NFIX: variants seen among roughly 807,000 people sequenced by gnomAD.
The protein encoded by NFIX is nuclear factor 1 X-type.
Under a neutral mutation model 53.3 loss-of-function variants are expected in NFIX, and 2 were observed. The ratio of observed to expected loss-of-function variants is 0.04; its 90% CI spans 0.02 to 0.12. The LOEUF (loss-of-function observed/expected upper bound fraction) is 0.12. Among genes scored for constraint, NFIX ranks in the 10% least tolerant of loss-of-function variants. The pLI, the probability that NFIX is intolerant of heterozygous loss-of-function variation, is 1.00. For missense variants in NFIX, 310 were observed against 674.5 expected, an observed-to-expected ratio of 0.46 and a Z score of 5.99; for synonymous variants, 244 against 289.0, an observed-to-expected ratio of 0.84 and a Z score of 1.58.
Position 12,998,089 on chromosome 19 carries a change from G to A in NFIX, c.27+2225G>A, listed in dbSNP as rs535985203. On this transcript the variant is annotated intron_variant, in intron 1 of 10. Coordinates refer to ENST00000592199, the MANE Select transcript of NFIX (RefSeq NM_001365902.3). This position sits in a 1 kb window ranked among gnomAD's most constrained non-coding sequence, Gnocchi z 4.4. The stretch of plus-strand genomic sequence containing the variant: ...TCTTTCTGCTTCCATGGTTTGCCCC[G>A]CTGGTCTCTGTTTTTATGACAACCT... Among the ~76,000 whole-genome samples, 3 of 152,104 alleles carry A rather than the reference G, an allele frequency of 2.0e-5. No individual in the cohort carries two copies. The highest frequency in any genetic ancestry group is 1.9e-4 in the East Asian group (1 of 5,186).
rs1599773552 is a variant in NFIX, at chr19:13,043,246, G to A, written c.559+17694G>A. 6.6e-6 allele frequency among the ~76,000 whole-genome samples: 1 copy of A among 152,174 alleles called. No individual in the cohort carries two copies. Among genetic ancestry groups the A allele is most frequent in the African/African-American group, 2.4e-5 (1 of 41,436 alleles). ...ATCCATGTTTTTATGAATCTGAGGT[G>A]CCCCCTTCCAGGCCTCTGCAGCCAC... On this transcript the variant is annotated intron_variant, in intron 2 of 10. Coordinates refer to ENST00000592199, the MANE Select transcript of NFIX (RefSeq NM_001365902.3). The surrounding 1 kb of genome is among the most constrained non-coding windows in gnomAD (Gnocchi z 4.0).
rs186336806 is a variant in NFIX, at chr19:13,043,826, C to T, written c.559+18274C>T. Among the ~76,000 whole-genome samples the T allele has an allele frequency of 4.6e-5, 7 of 152,218 alleles. No individual in the cohort carries two copies. The South Asian group carries it at 6.2e-4, about 14-fold the overall frequency. Reference sequence around the variant, plus strand: ...CCTGAATATGCATGCTTATTCATCTCGAAAACTGGGCCGTAGGGCCAGGTG... The same window carrying T: ...CCTGAATATGCATGCTTATTCATCTTGAAAACTGGGCCGTAGGGCCAGGTG... On this transcript the variant is annotated intron_variant, in intron 2 of 10. Coordinates refer to ENST00000592199, the MANE Select transcript of NFIX (RefSeq NM_001365902.3). This position sits in a 1 kb window ranked among gnomAD's most constrained non-coding sequence, Gnocchi z 4.0.
In NFIX at chr19:13,078,733, C is replaced by T; in HGVS notation, c.1076C>T (p.Pro359Leu). ...CTGCCTGTGCTTGCTGGAGTCAGACCAGGTGAGAAATGGGGGGCCCCGGAG... is the reference window on the plus strand; with the variant it reads ...CTGCCTGTGCTTGCTGGAGTCAGACTAGGTGAGAAATGGGGGGCCCCGGAG... ...HPLPVLAGVR[P>L]GSPRATASAL... is the part of the protein sequence containing the mutation. Residue 359 changes from proline to leucine, a missense_variant and splice_region_variant, in exon 7 of 11, where the codon CCA becomes CTA. Pro to Leu is a moderately conservative substitution (Grantham distance 98, BLOSUM62 -3). Coordinates refer to ENST00000592199, the MANE Select transcript of NFIX (RefSeq NM_001365902.3). This position sits in a 1 kb window ranked among gnomAD's most constrained non-coding sequence, Gnocchi z 4.7. The T allele has an allele frequency of 6.2e-7, 1 of 1,600,348 alleles. No homozygotes were observed.
rs2012385796 is a variant in NFIX, at chr19:13,012,133, C to CGAAAAGGCGG, written c.28-12884_28-12875dup. 1.3e-5 allele frequency: 2 copies of CGAAAAGGCGG among 152,220 alleles called. No individual in the cohort carries two copies. Among genetic ancestry groups the CGAAAAGGCGG allele is most frequent in the Admixed American group, 1.3e-4 (2 of 15,288 alleles). The allele number at this position is 152,220 out of a possible 1,614,324, so 9.4% of individuals were successfully genotyped here. ...AGCCTGGCGCGCGCGTGCGCAGCGA[C>CGAAAAGGCGG]GAAAAGGCGGGAAGCGGCGCTTCGA... is the stretch of plus-strand genomic sequence containing the variant. On this transcript the variant is annotated intron_variant, in intron 1 of 10. Transcript: ENST00000592199. This position sits in a 1 kb window ranked among gnomAD's most constrained non-coding sequence, Gnocchi z 5.0.
rs1423554135 is a variant in NFIX at position 13,040,593 on chromosome 19, C to T, written c.559+15041C>T. 6.6e-6 allele frequency among the ~76,000 whole-genome samples: 1 copy of T among 152,192 alleles called. No homozygotes were observed. The highest frequency in any genetic ancestry group is 6.5e-5 in the Admixed American group (1 of 15,284). ...CCTTGTATGGACAGACTCATGGCTG[C>T]TATTCCTGCCCTCCATCTCCTGGAG... On this transcript the variant is annotated intron_variant, in intron 2 of 10. Transcript: ENST00000592199. The surrounding 1 kb of genome is among the most constrained non-coding windows in gnomAD (Gnocchi z 4.2).
At position 13,098,792 on chromosome 19, in the gene NFIX, C is replaced by T. The variant is rs1020903864; in HGVS notation, c.*4143C>T. On this transcript the variant is annotated 3_prime_UTR_variant, in exon 11 of 11. Transcript: ENST00000592199. ...AAATAAAGAAATAAAGAAAAACAAA[C>T]GCGAGAGCGCCTGACCCTTCGCTAA... 1 of 167,014 alleles carries T rather than the reference C, an allele frequency of 6.0e-6. No individual in the cohort carries two copies. Among genetic ancestry groups the T allele is most frequent in the African/African-American group, 2.4e-5 (1 of 41,756 alleles). The allele number at this position is 167,014 out of a possible 1,614,324, so 10.3% of individuals were successfully genotyped here.
intron 2 of NFIX, among the ~76,000 whole-genome samples, chr19:13,038,655 T>C (rs2014383046): frequency 6.6e-6 from 1 of 152,262 alleles, no homozygotes; most frequent in Non-Finnish European, 1.5e-5. Context: ...GTTTTTCACC[T>C]GCCTTTAGTG....
Position 13,081,198 on chromosome 19 carries a change from G to A in NFIX, c.1079-482G>A, listed in dbSNP as rs2017443124. Among the ~76,000 whole-genome samples the A allele has an allele frequency of 6.6e-6, 1 of 151,828 alleles. No homozygotes were observed. The highest frequency in any genetic ancestry group is 1.5e-5 in the Non-Finnish European group (1 of 67,996). Reference sequence around the variant, plus strand: ...CGTGCACCTGTAGTGCTGGTTACTTGGGGGGCTGAGGTGGGAGGATTGCAT... The same window carrying A: ...CGTGCACCTGTAGTGCTGGTTACTTAGGGGGCTGAGGTGGGAGGATTGCAT... On this transcript the variant is annotated intron_variant, in intron 7 of 10. Transcript: ENST00000592199. This position sits in a 1 kb window ranked among gnomAD's most constrained non-coding sequence, Gnocchi z 4.7.
chr19:13,064,368 A>AGGCTG (rs1186992912), intron 2 of NFIX, among the ~76,000 whole-genome samples: 2 of 152,194 alleles, frequency 1.3e-5, no homozygotes, highest in Non-Finnish European at 2.9e-5. Context: ...CTGTATTCCA[A>AGGCTG]GGCTGGGCTG....
Position 13,051,746 on chromosome 19 carries a change from A to T in NFIX, c.560-21301A>T, listed in dbSNP as rs2015338376. Reference sequence around the variant, plus strand: ...CTCCAGTTGTTCAGGTCTTGACCTCAAGAGCCTTCCCTATTGACCCCTGAC... The same window carrying T: ...CTCCAGTTGTTCAGGTCTTGACCTCTAGAGCCTTCCCTATTGACCCCTGAC... On this transcript the variant is annotated intron_variant, in intron 2 of 10. Coordinates refer to ENST00000592199, the MANE Select transcript of NFIX (RefSeq NM_001365902.3). This position sits in a 1 kb window ranked among gnomAD's most constrained non-coding sequence, Gnocchi z 5.1. 6.6e-6 allele frequency among the ~76,000 whole-genome samples: 1 copy of T among 152,138 alleles called. No homozygotes were observed. The highest frequency in any genetic ancestry group is 6.5e-5 in the Admixed American group (1 of 15,286).
At chr19:13,041,989 C>T (rs572974328) in intron 2 of NFIX, among the ~76,000 whole-genome samples, 1 of 152,046 alleles carries the variant, frequency 6.6e-6, no homozygotes, top group South Asian at 2.1e-4. Flanking sequence ...GTTCCGCCTC[C>T]CAGATTCACG....
chr19:13,075,560 G>A lies in NFIX; in HGVS notation c.844G>A (p.Asp282Asn), dbSNP rs1036112453. 6 of 1,613,718 alleles carry A rather than the reference G, an allele frequency of 3.7e-6. No individual in the cohort carries two copies. The highest frequency in any genetic ancestry group is 4.2e-6 in the Non-Finnish European group (5 of 1,179,788). ...TSTTKRPKSI[D>N]DSEMESPVDD... is the part of the protein sequence containing the mutation. The stretch of plus-strand genomic sequence containing the variant: ...CACCACCAAGCGCCCCAAGTCCATC[G>A]ATGACAGTGAGATGGAGAGCCCTGT... Residue 282 changes from aspartate to asparagine, a missense_variant, in exon 6 of 11, where the codon GAT becomes AAT. Around this residue, in one of 5 missense-constraint regions of NFIX, gnomAD observed 164 missense variants for 284.4 expected, o/e 0.58. Transcript: ENST00000592199.
At chr19:13,000,028 C>T (rs187385165) in intron 1 of NFIX, among the ~76,000 whole-genome samples, 187 of 152,276 alleles carry the variant, frequency 1.2e-3, no homozygotes, top group African/African-American at 4.2e-3. Context: ...AGGGCTCTGC[C>T]GGGAACAGGG....
Position 13,078,871 on chromosome 19 carries a change from C to T in NFIX, c.1078+136C>T, listed in dbSNP as rs528633078. On this transcript the variant is annotated intron_variant, in intron 7 of 10. Coordinates refer to ENST00000592199, the MANE Select transcript of NFIX (RefSeq NM_001365902.3). The surrounding 1 kb of genome is among the most constrained non-coding windows in gnomAD (Gnocchi z 4.7). The stretch of plus-strand genomic sequence containing the variant: ...CTCCAAGTGGGCCAAGGTGCAGCAG[C>T]GGGTGGGCATGGGAGCCGGCCCCTG... 1.1e-5 allele frequency: 12 copies of T among 1,096,920 alleles called. No individual in the cohort carries two copies. Among genetic ancestry groups the T allele is most frequent in the East Asian group, 5.3e-5 (2 of 37,818 alleles). 67.9% of individuals were successfully genotyped at this position (1,096,920 alleles called of 1,614,324 possible).
In NFIX at chr19:13,068,849, G is replaced by A. The variant is rs781069509; in HGVS notation, c.560-4198G>A. Among the ~76,000 whole-genome samples, 11 of 152,210 alleles carry A rather than the reference G, an allele frequency of 7.2e-5. No homozygotes were observed. The highest frequency in any genetic ancestry group is 1.9e-4 in the East Asian group (1 of 5,200). On this transcript the variant is annotated intron_variant, in intron 2 of 10. Coordinates refer to ENST00000592199, the MANE Select transcript of NFIX (RefSeq NM_001365902.3). This position sits in a 1 kb window ranked among gnomAD's most constrained non-coding sequence, Gnocchi z 4.2. Reference sequence around the variant, plus strand: ...CCAGGTCCCCAGAGAAGGACAGCCCGCAGAGCTGCGTGTTTGTGTGACACG... The same window carrying A: ...CCAGGTCCCCAGAGAAGGACAGCCCACAGAGCTGCGTGTTTGTGTGACACG...
intron 2 of NFIX, among the ~76,000 whole-genome samples, chr19:13,057,594 A>G (rs1054261662): frequency 6.6e-6 from 1 of 152,148 alleles, no homozygotes; most frequent in Non-Finnish European, 1.5e-5. Context: ...GGAACAAGCT[A>G]TTAAAAGTAA....
At position 13,045,550 on chromosome 19, in the gene NFIX, G is replaced by A. The variant is rs1248402712; in HGVS notation, c.559+19998G>A. ...AGGCCAAGGAAAGGAACGGCAGCAG[G>A]GCAAGCCAGGCCCAAGGAGGGCTCT... On this transcript the variant is annotated intron_variant, in intron 2 of 10. Coordinates refer to ENST00000592199, the MANE Select transcript of NFIX (RefSeq NM_001365902.3). This position sits in a 1 kb window ranked among gnomAD's most constrained non-coding sequence, Gnocchi z 4.4. Among the ~76,000 whole-genome samples the A allele has an allele frequency of 3.3e-5, 5 of 152,156 alleles. No homozygotes were observed. Among genetic ancestry groups the A allele is most frequent in the Non-Finnish European group, 7.4e-5 (5 of 68,020 alleles).
rs1327373749 is a variant in NFIX at position 13,021,324 on chromosome 19, T to A, written c.28-3697T>A. ...TTTCTTTCAGGGATCAGCCATGAGC[T>A]CAGTTCACTTGAGATGGATAATTCA... is the stretch of plus-strand genomic sequence containing the variant. On this transcript the variant is annotated intron_variant, in intron 1 of 10. Coordinates refer to ENST00000592199, the MANE Select transcript of NFIX (RefSeq NM_001365902.3). This position sits in a 1 kb window ranked among gnomAD's most constrained non-coding sequence, Gnocchi z 4.2. Among the ~76,000 whole-genome samples the A allele has an allele frequency of 6.6e-6, 1 of 152,144 alleles. No individual in the cohort carries two copies. The highest frequency in any genetic ancestry group is 1.5e-5 in the Non-Finnish European group (1 of 68,024).
chr19:13,035,147 A>G (rs1257757490), intron 2 of NFIX, among the ~76,000 whole-genome samples: 1 of 152,226 alleles, frequency 6.6e-6, no homozygotes, highest in African/African-American at 2.4e-5. Context: ...GGATTCAGAC[A>G]GAATGCCACC....
Sources: gnomAD v4.1 joint callset for allele counts (sites outside exome capture counted in the v4.1 genomes callset) on GRCh38, gnomAD v4.1.1 for gene constraint, gnomAD v4.1.1 regional missense constraint, Gnocchi (gnomAD v3.1) non-coding constraint, MANE v1.5 for transcripts, NCBI Gene and HGNC (gene_info 2026-07-23, HGNC 2026-07-21) for gene names.